Variants in MAPK10 observed in about 807,000 individuals in gnomAD.
The protein encoded by MAPK10 is mitogen-activated protein kinase 10.
MAPK10 carries 25 observed loss-of-function variants against 59.3 expected under a neutral mutation model. The ratio of observed to expected loss-of-function variants is 0.42; its 90% CI spans 0.31 to 0.59. MAPK10 has a LOEUF of 0.59. MAPK10 is among the 20% of genes least tolerant of loss of function. The pLI, the probability that MAPK10 is intolerant of heterozygous loss-of-function variation, is 0.15. For missense variants in MAPK10, 351 were observed against 568.9 expected, an observed-to-expected ratio of 0.62 and a Z score of 3.90; for synonymous variants, 190 against 200.5, an observed-to-expected ratio of 0.95 and a Z score of 0.44.
chr4:86,082,655 G>A (rs2050900980), intron 9 of MAPK10, among the ~76,000 whole-genome samples: 1 of 152,132 alleles, frequency 6.6e-6, no homozygotes, highest in African/African-American at 2.4e-5. Flanking sequence ...GAACCTGAAG[G>A]CAAAGGGTAG....
chr4:86,308,390 G>C (rs1279840354), intron 2 of MAPK10, among the ~76,000 whole-genome samples: 1 of 152,116 alleles, frequency 6.6e-6, no homozygotes, highest in Non-Finnish European at 1.5e-5. Context: ...TTCTGCTATA[G>C]CTTAAAATGA....
At chr4:86,182,710 T>A (rs2077182497) in intron 3 of MAPK10, among the ~76,000 whole-genome samples, 1 of 152,058 alleles carries the variant, frequency 6.6e-6, no homozygotes, top group South Asian at 2.1e-4. Context: ...CACAGAGTTA[T>A]AAGAAAAATA....
intron 1 of MAPK10, among the ~76,000 whole-genome samples, chr4:86,586,221 G>A (rs1188471165): frequency 6.6e-6 from 1 of 152,190 alleles, no homozygotes; most frequent in Non-Finnish European, 1.5e-5. Flanking sequence ...TAACTTGCCA[G>A]GACAAGTAGT....
chr4:86,421,063 C>G (rs745854747), intron 1 of MAPK10, among the ~76,000 whole-genome samples: 5 of 151,640 alleles, frequency 3.3e-5, no homozygotes, highest in Non-Finnish European at 4.4e-5. Context: ...GCCTGGGTGA[C>G]ATAGTGAGAC....
At chr4:86,489,667 C>CT (rs1754307708) in intron 1 of MAPK10, among the ~76,000 whole-genome samples, 1 of 151,904 alleles carries the variant, frequency 6.6e-6, no homozygotes, top group South Asian at 2.1e-4. Context: ...TTTTTCTCCT[C>CT]TCAAGGAACA....
In MAPK10 at chr4:86,184,780, C is replaced by T. The variant is rs1305237245; in HGVS notation, c.66+9556G>A. ...AATTGTAAGCTTCCTGAACCAGAAGCAGATGCCTGTGCCACATTTCTTGTA... is the reference window on the plus strand; with the variant it reads ...AATTGTAAGCTTCCTGAACCAGAAGTAGATGCCTGTGCCACATTTCTTGTA... On this transcript the variant is annotated intron_variant, in intron 3 of 13. Coordinates refer to ENST00000641462, the MANE Select transcript of MAPK10 (RefSeq NM_138982.4). Among the ~76,000 whole-genome samples, 4 of 152,310 alleles carry T rather than the reference C, an allele frequency of 2.6e-5. No individual in the cohort carries two copies. The East Asian group carries it at 7.7e-4, about 29-fold the overall frequency.
intron 4 of MAPK10, among the ~76,000 whole-genome samples, chr4:86,127,071 GCA>G (rs980285373): frequency 4.5e-4 from 68 of 151,838 alleles, no homozygotes; most frequent in African/African-American, 1.6e-3. Flanking sequence ...GACTATCCCT[GCA>G]CATTATTTTG....
At chr4:86,268,519 G>T (rs1363672082) in intron 2 of MAPK10, 1 of 152,300 alleles carries the variant, frequency 6.6e-6, no homozygotes, top group South Asian at 2.1e-4. Context: ...TGCCTTGATG[G>T]TGTTTCAACT....
In MAPK10 at chr4:86,017,086, T is replaced by A. The variant is rs549880169; in HGVS notation, c.*142A>T. On this transcript the variant is annotated 3_prime_UTR_variant, in exon 14 of 14. Coordinates refer to ENST00000641462, the MANE Select transcript of MAPK10 (RefSeq NM_138982.4). The surrounding 1 kb of genome is among the most constrained non-coding windows in gnomAD (Gnocchi z 4.4). ...GGAAGAAGCAGGCTGAAAGATTTAT[T>A]TAATTTTAGGCTTGGATTCTCTCCC... The A allele has an allele frequency of 1.1e-6, 1 of 909,306 alleles. No homozygotes were observed. The highest frequency in any genetic ancestry group is 2.5e-5 in the Admixed American group (1 of 39,682). The allele number at this position is 909,306 out of a possible 1,614,324, so 56.3% of individuals were successfully genotyped here. A position where few individuals can be genotyped will look rare whatever the true frequency, so the allele number is the denominator to read the frequency against.
At chr4:86,303,610 C>T (rs1231267734) in intron 2 of MAPK10, among the ~76,000 whole-genome samples, 1 of 152,066 alleles carries the variant, frequency 6.6e-6, no homozygotes, top group East Asian at 1.9e-4. Flanking sequence ...TAGAGAATGC[C>T]ACACTGAGAA....
At chr4:86,395,512 G>T (rs1265327393) in intron 1 of MAPK10, among the ~76,000 whole-genome samples, 1 of 152,166 alleles carries the variant, frequency 6.6e-6, no homozygotes, top group African/African-American at 2.4e-5. Flanking sequence ...TAATAAAATG[G>T]TTCAGCAATC....
At chr4:86,383,979 A>C (rs1741109968) in intron 1 of MAPK10, 1 of 152,190 alleles carries the variant, frequency 6.6e-6, no homozygotes, top group Non-Finnish European at 1.5e-5. Flanking sequence ...TCGATCTCTC[A>C]GAAGACATAT....
chr4:86,233,748 C>T (rs1395334424), intron 2 of MAPK10, among the ~76,000 whole-genome samples: 6 of 152,166 alleles, frequency 3.9e-5, no homozygotes, highest in South Asian at 4.2e-4. Context: ...TCACTAGGCA[C>T]CTTGCAGAGC....
intron 2 of MAPK10, among the ~76,000 whole-genome samples, chr4:86,261,825 A>G (rs1273122845): frequency 6.6e-6 from 1 of 152,214 alleles, no homozygotes; most frequent in African/African-American, 2.4e-5. Context: ...TCTGAGAATC[A>G]TTCTTTCATA....
At chr4:86,291,364 G>A (rs556268965) in intron 2 of MAPK10, among the ~76,000 whole-genome samples, 1 of 152,132 alleles carries the variant, frequency 6.6e-6, no homozygotes, top group East Asian at 1.9e-4. Context: ...GTCCCGAGTC[G>A]GCCAATGCCA....
chr4:86,312,950 ATTCT>A (rs34989577), intron 2 of MAPK10, among the ~76,000 whole-genome samples: 1,596 of 152,180 alleles, frequency 0.01, 10 homozygotes, highest in South Asian at 0.034. Context: ...ATGAGCATAA[ATTCT>A]TTATTGTTTT....
chr4:86,571,526 A>C (rs1761454065), intron 1 of MAPK10, among the ~76,000 whole-genome samples: 1 of 152,114 alleles, frequency 6.6e-6, no homozygotes, highest in Non-Finnish European at 1.5e-5. Flanking sequence ...AAATAGGTTA[A>C]AAACCGGAAA....
At chr4:86,181,075 G>A (rs2076829409) in intron 3 of MAPK10, among the ~76,000 whole-genome samples, 1 of 152,034 alleles carries the variant, frequency 6.6e-6, no homozygotes, top group Admixed American at 6.6e-5. Context: ...TACATTATAT[G>A]TATCAAAACA....
At chr4:86,527,312 C>CAAAAAAAAAAAAAAAAAAAAAAAAAAA (rs57390422) in intron 1 of MAPK10, among the ~76,000 whole-genome samples, 2 of 16,182 alleles carry the variant, frequency 1.2e-4, no homozygotes, top group Non-Finnish European at 2.8e-4. Context: ...ACACTGTTGC[C>CAAAAAAAAAAAAAAAAAAAAAAAAAAA]AAAAAAAAAA....
Sources: gnomAD v4.1 joint callset for allele counts (sites outside exome capture counted in the v4.1 genomes callset) on GRCh38, gnomAD v4.1.1 for gene constraint, Gnocchi (gnomAD v3.1) non-coding constraint, MANE v1.5 for transcripts, NCBI Gene and HGNC (gene_info 2026-07-23, HGNC 2026-07-21) for gene names.